Variants in AMPD2 observed in about 807,000 individuals in gnomAD.
AMPD2 encodes AMP deaminase 2.
In AMPD2, 52 loss-of-function variants were observed where a neutral mutation model predicts 91.3. That is an observed-to-expected ratio of 0.57 (90% CI 0.46 to 0.72). The LOEUF (loss-of-function observed/expected upper bound fraction) is 0.72, where lower values mean the gene tolerates loss of function less well. Ranked by LOEUF, AMPD2 falls within the 30% of genes least tolerant of loss-of-function variation. The probability of loss-of-function intolerance (pLI) is 0.00; values close to 1 mark genes in which losing one functional copy is unlikely to be tolerated. For synonymous variants in AMPD2, 455 were observed against 456.4 expected, an observed-to-expected ratio of 1.00 and a Z score of 0.04; for missense variants, 822 against 1,122.3, an observed-to-expected ratio of 0.73 and a Z score of 3.82.
rs926562046 is a variant in AMPD2, at chr1:109,624,962, T to C, written c.92-341T>C. ...GCGTACGTGCATGTGTGTGCACACG[T>C]ACACACGTGCACCTGCCTCTGGGAG... On this transcript the variant is annotated intron_variant, in intron 2 of 18. Coordinates refer to ENST00000528667, the MANE Select transcript of AMPD2 (RefSeq NM_001368809.2). The surrounding 1 kb of genome is among the most constrained non-coding windows in gnomAD (Gnocchi z 5.2). Among the ~76,000 whole-genome samples, 4 of 151,892 alleles carry C rather than the reference T, an allele frequency of 2.6e-5. No homozygotes were observed. The highest frequency in any genetic ancestry group is 5.9e-5 in the Non-Finnish European group (4 of 67,914).
chr1:109,620,976 G>C lies in AMPD2; in HGVS notation c.-200G>C. ...GGAGGCAGGGGAGGGATAAGGGGCA[G>C]AGATGGAGGCCCCACTCCCCGAGGT... On this transcript the variant is annotated 5_prime_UTR_variant, in exon 2 of 19. Transcript: ENST00000528667. 6.5e-7 allele frequency: 1 copy of C among 1,548,394 alleles called. No individual in the cohort carries two copies. The highest frequency in any genetic ancestry group is 8.7e-7 in the Non-Finnish European group (1 of 1,146,502).
chr1:109,620,909 G>A lies in AMPD2; in HGVS notation c.-262-5G>A, dbSNP rs1041576386. 7.9e-7 allele frequency: 1 copy of A among 1,263,814 alleles called. No homozygotes were observed. The highest frequency in any genetic ancestry group is 1.5e-5 in the African/African-American group (1 of 65,732). The allele number at this position is 1,263,814 out of a possible 1,614,324, so 78.3% of individuals were successfully genotyped here. On this transcript the variant is annotated splice_polypyrimidine_tract_variant and splice_region_variant and intron_variant, in intron 1 of 18. Coordinates refer to ENST00000528667, the MANE Select transcript of AMPD2 (RefSeq NM_001368809.2). ...TCTACCCACCCCCTCCCCGCCCCCC[G>A]CCAGGCCCAGCCACCATCAGTCACG...
In AMPD2 at chr1:109,628,245, G is replaced by C. The variant is rs1432697781; in HGVS notation, c.1243G>C (p.Asp415His). Residue 415 changes from aspartate (D) to histidine (H), a missense_variant, in exon 11 of 19, where the codon GAC (aspartate) becomes CAC (histidine). By Grantham distance (81) the Asp-to-His change is moderately conservative. Around this residue, in one of 5 missense-constraint regions of AMPD2, gnomAD observed 430 missense variants for 606.0 expected, o/e 0.71. Coordinates refer to ENST00000528667, the MANE Select transcript of AMPD2 (RefSeq NM_001368809.2). The surrounding 1 kb of genome is among the most constrained non-coding windows in gnomAD (Gnocchi z 7.1). ...VFESMNLTAY[D>H]LSVDTLDVHA... ...TGAGAGCATGAATCTCACGGCCTAC[G>C]ACCTGAGTGTGGACACGCTGGATGT... 3.7e-6 allele frequency: 6 copies of C among 1,613,762 alleles called. No homozygotes were observed. Among genetic ancestry groups the C allele is most frequent in the East Asian group, 2.2e-5 (1 of 44,884 alleles).
At position 109,625,195 on chromosome 1, in the gene AMPD2, C is replaced by A; in HGVS notation, c.92-108C>A. On this transcript the variant is annotated intron_variant, in intron 2 of 18. Coordinates refer to ENST00000528667, the MANE Select transcript of AMPD2 (RefSeq NM_001368809.2). The surrounding 1 kb of genome is among the most constrained non-coding windows in gnomAD (Gnocchi z 4.0). Reference sequence around the variant, plus strand: ...TCAGCTACTGAGGAGGGACTGCCCTCTTTCCCGACCCTGGGCTCTCTCGGG... The same window carrying A: ...TCAGCTACTGAGGAGGGACTGCCCTATTTCCCGACCCTGGGCTCTCTCGGG... 1.3e-6 allele frequency: 2 copies of A among 1,486,164 alleles called. No individual in the cohort carries two copies. Among genetic ancestry groups the A allele is most frequent in the Non-Finnish European group, 1.8e-6 (2 of 1,103,688 alleles). 92.1% of individuals were successfully genotyped at this position (1,486,164 alleles called of 1,614,324 possible).
In AMPD2 at chr1:109,631,027, C is replaced by A. The variant is rs1456066824; in HGVS notation, c.2353C>A (p.Arg785Ser). 4 of 1,614,168 alleles carry A rather than the reference C, an allele frequency of 2.5e-6. No individual in the cohort carries two copies. The highest frequency in any genetic ancestry group is 4.5e-5 in the East Asian group (2 of 44,882). The part of the protein sequence containing the change: ...DIRRTNVPDI[R>S]VGYRYETLCQ... The stretch of plus-strand genomic sequence containing the variant: ...CCGCCGGACCAATGTGCCAGACATC[C>A]GCGTGGGCTACCGCTACGAGACCCT... The change falls in exon 19 of 19, where the codon CGC (arginine) becomes AGC (serine). Residue 785 changes from arginine to serine, a missense_variant. Coordinates refer to ENST00000528667, the MANE Select transcript of AMPD2 (RefSeq NM_001368809.2).
chr1:109,630,138 C>T, intron 16 of AMPD2, 95 bp from the exon 17 acceptor site: 1 of 1,437,526 alleles, frequency 7.0e-7, no homozygotes, highest in South Asian at 1.2e-5. Context: ...TTCCCCTCCC[C>T]CTGCCCTCTG....
In AMPD2 at chr1:109,629,477, A is replaced by G; in HGVS notation, c.1849A>G (p.Asn617Asp). ...YYTFANMAML[N>D]HLRRQRGFHT... ...CACCTTTGCCAACATGGCCATGTTG[A>G]ACCACCTGCGCAGGTGCCTGCACCA... is the stretch of plus-strand genomic sequence containing the variant. The change falls in exon 15 of 19, where the codon AAC becomes GAC. Residue 617 changes from asparagine (N) to aspartate (D), a missense_variant. By Grantham distance (23) the Asn-to-Asp change is conservative. This residue lies in a region of AMPD2 where 430 missense variants were observed against 606.0 expected (regional missense o/e 0.71). Coordinates refer to ENST00000528667, the MANE Select transcript of AMPD2 (RefSeq NM_001368809.2). The G allele has an allele frequency of 1.2e-6, 2 of 1,613,816 alleles. No individual in the cohort carries two copies. The highest frequency in any genetic ancestry group is 1.7e-6 in the Non-Finnish European group (2 of 1,179,890).
Position 109,626,314 on chromosome 1 carries a change from T to C in AMPD2, c.423-5T>C, listed in dbSNP as rs1270332741. ...AAACCCCTCCCTTGAATGCACCCCC[T>C]GCAGGCTCTACAAGGAACAGGGTGA... is the stretch of plus-strand genomic sequence containing the variant. On this transcript the variant is annotated splice_region_variant and splice_polypyrimidine_tract_variant and intron_variant, in intron 5 of 18. Coordinates refer to ENST00000528667, the MANE Select transcript of AMPD2 (RefSeq NM_001368809.2). The C allele has an allele frequency of 6.2e-7, 1 of 1,613,512 alleles. No homozygotes were observed. The highest frequency in any genetic ancestry group is 1.3e-5 in the African/African-American group (1 of 74,870).
In AMPD2 at chr1:109,629,181, C is replaced by T. The variant is rs758218441; in HGVS notation, c.1644C>T (p.Phe548=). The change falls in exon 14 of 19, where the codon TTC becomes TTT. Residue 548 remains phenylalanine (F), a synonymous_variant. Transcript: ENST00000528667. The stretch of plus-strand genomic sequence containing the variant: ...TGGAGAACATCTTCCTGCCACTGTT[C>T]GAGGCCACTGTGCACCCTGCCAGCC... ...EMLENIFLPL[F]EATVHPASHP... 2.5e-6 allele frequency: 4 copies of T among 1,614,004 alleles called. No individual in the cohort carries two copies. Among genetic ancestry groups the T allele is most frequent in the East Asian group, 2.2e-5 (1 of 44,888 alleles).
rs1326159064 is a variant in AMPD2, at chr1:109,621,216, A to T, written c.41A>T (p.Lys14Ile). ...YPSGSGKPKA[K>I]YPFKKRASLQ... The stretch of plus-strand genomic sequence containing the variant: ...TCTGGCTCTGGCAAGCCCAAGGCCA[A>T]ATATCCCTTTAAGAAGCGGGCCAGC... Residue 14 changes from lysine to isoleucine, a missense_variant, in exon 2 of 19, where the codon AAA becomes ATA. Lys to Ile is a moderately radical substitution (Grantham distance 102). Coordinates refer to ENST00000528667, the MANE Select transcript of AMPD2 (RefSeq NM_001368809.2). 1.2e-6 allele frequency: 2 copies of T among 1,611,788 alleles called. No individual in the cohort carries two copies. Among genetic ancestry groups the T allele is most frequent in the Admixed American group, 3.3e-5 (2 of 59,818 alleles).
At chr1:109,627,953 C>T in intron 10 of AMPD2, 50 bp downstream of exon 10, 1 of 1,610,522 alleles carries the variant, frequency 6.2e-7, no homozygotes, top group Non-Finnish European at 8.5e-7. Flanking sequence ...CACACCTCTG[C>T]CCAGCCTCCC....
At chr1:109,627,939 A>G (rs753737448) in intron 10 of AMPD2, 36 bp downstream of exon 10, 5 of 1,611,940 alleles carry the variant, frequency 3.1e-6, no homozygotes, top group East Asian at 2.2e-5. Flanking sequence ...CCATGTCCTC[A>G]TCCCACACCT....
rs1650106348 is a variant in AMPD2, at chr1:109,619,908, A to T, written c.-633A>T. On this transcript the variant is annotated 5_prime_UTR_variant, in exon 1 of 19. Transcript: ENST00000528667. ...CTCACCTGTTGCGTGACTCCCCCAC[A>T]GTCCGGCCGCGGGAGTCCGACCCTG... 1 of 341,200 alleles carries T rather than the reference A, an allele frequency of 2.9e-6. No individual in the cohort carries two copies. The highest frequency in any genetic ancestry group is 5.6e-6 in the Non-Finnish European group (1 of 177,414). The allele number at this position is 341,200 out of a possible 1,614,324, so 21.1% of individuals were successfully genotyped here. A position where few individuals can be genotyped will look rare whatever the true frequency, so the allele number is the denominator to read the frequency against.
chr1:109,630,781 CT>C lies in AMPD2; in HGVS notation c.2258del (p.Phe753SerfsTer5). The part of the protein sequence containing the change: ...LARNSVLMSG[F>X]SHKVKSHWLG... Reference sequence around the variant, plus strand: ...CCCGCAACAGCGTGCTCATGAGCGGCTTCTCGCACAAGGTACTACAGCGCCT... The same window carrying C: ...CCCGCAACAGCGTGCTCATGAGCGGCTCTCGCACAAGGTACTACAGCGCCT... On this transcript the variant is annotated frameshift_variant, in exon 18 of 19. Coordinates refer to ENST00000528667, the MANE Select transcript of AMPD2 (RefSeq NM_001368809.2). LOFTEE classifies it high-confidence loss of function. The C allele has an allele frequency of 6.2e-7, 1 of 1,608,770 alleles. No individual in the cohort carries two copies. Among genetic ancestry groups the C allele is most frequent in the Non-Finnish European group, 8.5e-7 (1 of 1,177,852 alleles).
At chr1:109,630,038 G>GT in intron 16 of AMPD2, 122 bp downstream of exon 16, 1 of 1,463,350 alleles carries the variant, frequency 6.8e-7, no homozygotes, top group Non-Finnish European at 9.3e-7. Flanking sequence ...CCTTCCCAAT[G>GT]TAACTACCCT....
intron 2 of AMPD2, among the ~76,000 whole-genome samples, chr1:109,621,825 G>C (rs1351588093): frequency 6.6e-6 from 1 of 152,208 alleles, no homozygotes; most frequent in East Asian, 1.9e-4. Flanking sequence ...GGTCTATATT[G>C]TGAGCCTCCT....
At position 109,626,900 on chromosome 1, in the gene AMPD2, C is replaced by G. The variant is rs1650738411; in HGVS notation, c.706C>G (p.Pro236Ala). 4.3e-6 allele frequency: 7 copies of G among 1,612,578 alleles called. No individual in the cohort carries two copies. In the South Asian group the frequency reaches 5.5e-5, roughly 13 times the overall value. ...GACCTATGAACAGGGCCCCGACACC[C>G]CTGTGTCTGCTGGTGGGACTCCCCA... is the stretch of plus-strand genomic sequence containing the variant. The part of the protein sequence containing the change: ...TRTYEQGPDT[P>A]VSADAPVHPP... Residue 236 changes from proline (P) to alanine (A), a missense_variant, in exon 7 of 19, where the codon CCT becomes GCT. Physicochemically the swap from Pro to Ala is conservative, Grantham distance 27 (BLOSUM62 -1). Transcript: ENST00000528667.
At chr1:109,630,839 C>T in intron 18 of AMPD2, 46 bp downstream of exon 18, 1 of 1,592,528 alleles carries the variant, frequency 6.3e-7, no homozygotes, top group Non-Finnish European at 8.6e-7. Context: ...CACTCCTCCC[C>T]TCCTCTGCAT....
chr1:109,622,095 G>T (rs937979203), intron 2 of AMPD2: 2 of 412,496 alleles, frequency 4.8e-6, no homozygotes, highest in Non-Finnish European at 9.9e-6. Flanking sequence ...TGACTTTGAT[G>T]ACCAGATCAT....
Sources: gnomAD v4.1 joint callset for allele counts (sites outside exome capture counted in the v4.1 genomes callset) on GRCh38, gnomAD v4.1.1 for gene constraint, gnomAD v4.1.1 regional missense constraint, Gnocchi (gnomAD v3.1) non-coding constraint, MANE v1.5 for transcripts, NCBI Gene and HGNC (gene_info 2026-07-23, HGNC 2026-07-21) for gene names.